The following RERE variants were observed in gnomAD, a reference collection of about 807,000 sequenced individuals.
RERE encodes arginine-glutamic acid dipeptide repeats.
Under a neutral mutation model 146.1 loss-of-function variants are expected in RERE, and 40 were observed. The observed-to-expected ratio is 0.27, with a 90% confidence interval of 0.21 to 0.36. The LOEUF (loss-of-function observed/expected upper bound fraction) is 0.36. Among genes scored for constraint, RERE ranks in the 10% least tolerant of loss-of-function variants. The pLI is 1.00. For synonymous variants in RERE, 1,003 were observed against 866.0 expected (o/e 1.16, Z -2.78); for missense variants, 1,933 against 2,138.7 (o/e 0.90, Z 1.90).
At chr1:8,380,835 A>G (rs768375077) in intron 12 of RERE, 1 of 456,726 alleles carries the variant, frequency 2.2e-6, no homozygotes, top group South Asian at 1.5e-5. Flanking sequence ...CAGGGCAGAG[A>G]GGGGCGTTCC....
chr1:8,393,788 A>T (rs904669493), intron 12 of RERE, among the ~76,000 whole-genome samples: 2 of 152,224 alleles, frequency 1.3e-5, no homozygotes, highest in African/African-American at 4.8e-5. Flanking sequence ...TCAACTATGG[A>T]TTACTAGTAT....
At chr1:8,773,464 T>C (rs1302850849) in intron 1 of RERE, among the ~76,000 whole-genome samples, 1 of 152,104 alleles carries the variant, frequency 6.6e-6, no homozygotes, top group Non-Finnish European at 1.5e-5. Flanking sequence ...GAGGCCAAGG[T>C]GCGCCAATCA....
At chr1:8,640,532 G>C (rs998612661) in intron 2 of RERE, among the ~76,000 whole-genome samples, 4 of 152,322 alleles carry the variant, frequency 2.6e-5, no homozygotes, top group Admixed American at 6.5e-5. Flanking sequence ...ATGTAAGTCA[G>C]AAAACACATT....
intron 9 of RERE, among the ~76,000 whole-genome samples, chr1:8,495,674 C>A (rs1337198537): frequency 6.6e-6 from 1 of 152,094 alleles, no homozygotes; most frequent in Non-Finnish European, 1.5e-5. Flanking sequence ...TTAGTCAGAT[C>A]CATTTGTATT....
intron 11 of RERE, among the ~76,000 whole-genome samples, chr1:8,455,651 C>T (rs997640751): frequency 6.6e-6 from 1 of 152,226 alleles, no homozygotes; most frequent in African/African-American, 2.4e-5. Context: ...AAAGAGGTCA[C>T]TGCACTGAAG....
intron 4 of RERE, among the ~76,000 whole-genome samples, chr1:8,603,404 A>G (rs148895504): frequency 6.6e-6 from 1 of 152,348 alleles, no homozygotes; most frequent in Non-Finnish European, 1.5e-5. Context: ...CAAGGAATCC[A>G]GCCGTCTACA....
intron 6 of RERE, among the ~76,000 whole-genome samples, chr1:8,548,766 G>A (rs1322986012): frequency 1.3e-5 from 2 of 152,006 alleles, no homozygotes; most frequent in East Asian, 1.9e-4. Flanking sequence ...GGGTGGATCC[G>A]GAGGTCAGGA....
chr1:8,600,559 G>A (rs1235693486), intron 4 of RERE, among the ~76,000 whole-genome samples: 1 of 152,092 alleles, frequency 6.6e-6, no homozygotes, highest in Admixed American at 6.6e-5. Flanking sequence ...AAAGCCAGGG[G>A]GAAGTGATAG....
At chr1:8,735,093 A>G (rs1337928487) in intron 1 of RERE, among the ~76,000 whole-genome samples, 1 of 152,200 alleles carries the variant, frequency 6.6e-6, no homozygotes, top group Non-Finnish European at 1.5e-5. Flanking sequence ...TCTAACTTAA[A>G]CTTCTTAATA....
rs752796051 is a variant in RERE at position 8,366,006 on chromosome 1, G to A, written c.1285-32C>T. 4.4e-6 allele frequency: 7 copies of A among 1,606,706 alleles called. No individual in the cohort carries two copies. The South Asian group carries it at 5.5e-5, about 13-fold the overall frequency. ...AAGAGAAGGGCTGACTGTGGGGGAG[G>A]GCCTGGGGCTTTTCCGTGCCCCACG... On this transcript the variant is annotated intron_variant, in intron 12 of 22. Coordinates refer to ENST00000400908, the MANE Select transcript of RERE (RefSeq NM_001042681.2).
At chr1:8,548,654 G>A (rs971508800) in intron 6 of RERE, among the ~76,000 whole-genome samples, 2 of 152,182 alleles carry the variant, frequency 1.3e-5, no homozygotes, top group Non-Finnish European at 2.9e-5. Flanking sequence ...TTTCTTCTGT[G>A]TTGGAGAAAG....
chr1:8,520,339 C>T (rs1230614136), intron 7 of RERE, among the ~76,000 whole-genome samples: 1 of 152,132 alleles, frequency 6.6e-6, no homozygotes, highest in Non-Finnish European at 1.5e-5. Flanking sequence ...CAGGCCACAC[C>T]GGCAGCTCTC....
chr1:8,581,985 G>T (rs1646372226), intron 4 of RERE, among the ~76,000 whole-genome samples: 1 of 151,910 alleles, frequency 6.6e-6, no homozygotes, highest in African/African-American at 2.4e-5. Context: ...TGGAACTGTT[G>T]TGACACTTTT....
chr1:8,763,290 AAAAG>A (rs1640788454), intron 1 of RERE, among the ~76,000 whole-genome samples: 2 of 152,288 alleles, frequency 1.3e-5, no homozygotes, highest in Admixed American at 1.3e-4. Flanking sequence ...CTTGAAAACT[AAAAG>A]AAAAAAAATC....
intron 11 of RERE, among the ~76,000 whole-genome samples, chr1:8,443,698 C>T (rs945664678): frequency 2.6e-5 from 4 of 152,132 alleles, no homozygotes; most frequent in African/African-American, 7.2e-5. Flanking sequence ...TGGGGTTTTG[C>T]TGCCCTCTGC....
At chr1:8,666,569 G>A (rs535788101) in intron 1 of RERE, among the ~76,000 whole-genome samples, 5 of 152,306 alleles carry the variant, frequency 3.3e-5, no homozygotes, top group Admixed American at 6.5e-5. Flanking sequence ...GAAAGAAGAC[G>A]TAATGGCTTT....
At chr1:8,682,923 AACT>A (rs200319271) in intron 1 of RERE, among the ~76,000 whole-genome samples, 1,881 of 151,786 alleles carry the variant, frequency 0.012, 36 homozygotes, top group African/African-American at 0.044. Flanking sequence ...TGGGAAATAC[AACT>A]ACTACTCAAT....
intron 4 of RERE, among the ~76,000 whole-genome samples, chr1:8,572,365 G>T (rs537876694): frequency 1.1e-4 from 17 of 152,244 alleles, no homozygotes; most frequent in African/African-American, 2.9e-4. Context: ...AGCACACAGA[G>T]AAGTTAATAT....
intron 2 of RERE, among the ~76,000 whole-genome samples, chr1:8,655,702 G>T (rs1262844888): frequency 6.6e-6 from 1 of 152,176 alleles, no homozygotes; most frequent in Non-Finnish European, 1.5e-5. Flanking sequence ...CTAAGCAGAT[G>T]GTCCAGTTAG....
Sources: gnomAD v4.1 joint callset for allele counts (sites outside exome capture counted in the v4.1 genomes callset) on GRCh38, gnomAD v4.1.1 for gene constraint, MANE v1.5 for transcripts, NCBI Gene and HGNC (gene_info 2026-07-23, HGNC 2026-07-21) for gene names.